The following CHD1L variants were observed in gnomAD, a reference collection of about 807,000 sequenced individuals.
The protein encoded by CHD1L is chromodomain helicase DNA binding protein 1 like.
In CHD1L, 118 loss-of-function variants were observed where a neutral mutation model predicts 115.9. The observed-to-expected ratio is 1.02, with a 90% CI of 0.88 to 1.19. CHD1L has a LOEUF of 1.19. Among genes scored for constraint, CHD1L ranks in the 50% most tolerant of loss-of-function variants. The pLI is 0.00. For synonymous variants in CHD1L, 411 were observed against 387.1 expected (o/e 1.06, Z -0.72); for missense variants, 1,179 against 1,065.3 (o/e 1.11, Z -1.49).
the CHD1L span, among the ~76,000 whole-genome samples, chr1:147,209,416 C>A: frequency 6.7e-5 from 8 of 119,222 alleles, no homozygotes; most frequent in Admixed American, 1.1e-4. Flanking sequence ...CCAGCCTGGG[C>A]AACAGAGTGA....
At chr1:147,190,629 T>C in the CHD1L span, among the ~76,000 whole-genome samples, 1 of 152,124 alleles carries the variant, frequency 6.6e-6, no homozygotes, top group East Asian at 1.9e-4. Flanking sequence ...ACCTGTATTC[T>C]TGATAACAAA....
the CHD1L span, among the ~76,000 whole-genome samples, chr1:147,191,597 T>G: frequency 6.6e-6 from 1 of 151,958 alleles, no homozygotes; most frequent in East Asian, 1.9e-4. Context: ...CTTTGTCAGA[T>G]GAGTAGGTTG....
chr1:147,276,437 C>T lies in CHD1L; in HGVS notation c.1539+180C>T, dbSNP rs145081914. On this transcript the variant is annotated intron_variant, in intron 14 of 22. Coordinates refer to ENST00000369258, the MANE Select transcript of CHD1L (RefSeq NM_004284.6). Reference sequence around the variant, plus strand: ...GTCTGTAGGAAGTAAGGATTAGTTCCAAGCCTCATCACTTCTTGGCTGTTT... The same window carrying T: ...GTCTGTAGGAAGTAAGGATTAGTTCTAAGCCTCATCACTTCTTGGCTGTTT... Among the ~76,000 whole-genome samples, 20 of 152,314 alleles carry T rather than the reference C, an allele frequency of 1.3e-4. No homozygotes were observed. In the East Asian group the frequency reaches 3.7e-3, roughly 28 times the overall value.
intron 1 of CHD1L, among the ~76,000 whole-genome samples, chr1:147,244,866 G>A (rs1256143272): frequency 6.6e-6 from 1 of 151,898 alleles, no homozygotes; most frequent in African/African-American, 2.4e-5. Flanking sequence ...AGGTATGGAC[G>A]TTTAATTCCT....
the CHD1L span, among the ~76,000 whole-genome samples, chr1:147,180,970 G>A: frequency 5.3e-5 from 8 of 152,210 alleles, no homozygotes; most frequent in African/African-American, 1.7e-4. Flanking sequence ...TTTGAGAAAC[G>A]CGGCCTAGAC....
At chr1:147,238,006 G>A (rs1664638817), upstream of CHD1L, among the ~76,000 whole-genome samples, 2 of 152,182 alleles carry the variant, frequency 1.3e-5, no homozygotes, top group Admixed American at 1.3e-4. Flanking sequence ...CTGGGCAAGA[G>A]TCCTGTGAAA....
chr1:147,235,255 A>G, the CHD1L span, among the ~76,000 whole-genome samples: 1 of 152,168 alleles, frequency 6.6e-6, no homozygotes, highest in African/African-American at 2.4e-5. Flanking sequence ...GATAACTTCC[A>G]ATTTCTTAAT....
the CHD1L span, chr1:147,225,900 C>T: frequency 6.6e-6 from 1 of 152,138 alleles, no homozygotes; most frequent in African/African-American, 2.4e-5. Context: ...TAAAGGCTTA[C>T]AACTTTAAGG....
At chr1:147,288,338 A>AAAG (rs1308489352) in intron 19 of CHD1L, among the ~76,000 whole-genome samples, 2 of 858 alleles carry the variant, frequency 2.3e-3, no homozygotes, top group African/African-American at 3.2e-3. Flanking sequence ...AAAAAAAAAA[A>AAAG]AAAAAAAAGA....
chr1:147,224,643 G>A, the CHD1L span, among the ~76,000 whole-genome samples: 1 of 151,994 alleles, frequency 6.6e-6, no homozygotes, highest in Non-Finnish European at 1.5e-5. Context: ...CCGAGTAGCT[G>A]GGACTACATG....
At chr1:147,193,357 C>T in the CHD1L span, among the ~76,000 whole-genome samples, 171 of 152,038 alleles carry the variant, frequency 1.1e-3, no homozygotes, top group East Asian at 1.5e-3. Context: ...GTGGTGATAT[C>T]CCCTTTATCA....
chr1:147,284,263 C>T, intron 15 of CHD1L, 88 bp from the exon 16 acceptor site: 1 of 1,085,622 alleles, frequency 9.2e-7, no homozygotes. Flanking sequence ...AGGCTGTTCT[C>T]CTGTCCACTT....
chr1:147,206,454 A>G, the CHD1L span, among the ~76,000 whole-genome samples: 2 of 152,240 alleles, frequency 1.3e-5, no homozygotes, highest in Non-Finnish European at 2.9e-5. Flanking sequence ...CTATAAAGAC[A>G]CATGCACACG....
intron 1 of CHD1L, among the ~76,000 whole-genome samples, chr1:147,250,233 C>A (rs1246541474): frequency 2.0e-5 from 3 of 152,084 alleles, no homozygotes; most frequent in Non-Finnish European, 2.9e-5. Context: ...TGGGTGTTGG[C>A]ACCTATTGAT....
chr1:147,204,469 C>T, the CHD1L span: 25 of 1,452,488 alleles, frequency 1.7e-5, no homozygotes, highest in East Asian at 9.1e-5. Flanking sequence ...ATCAACATCT[C>T]GAAGGTTTTT....
chr1:147,181,810 A>G, the CHD1L span, among the ~76,000 whole-genome samples: 1,788 of 152,300 alleles, frequency 0.012, 14 homozygotes, highest in African/African-American at 0.021. Context: ...TGGGCCATGC[A>G]TTTTAAATGA....
the CHD1L span, among the ~76,000 whole-genome samples, chr1:147,218,458 G>A: frequency 0.013 from 1,941 of 151,850 alleles, 43 homozygotes; most frequent in African/African-American, 0.045. Context: ...GGCTGGACTC[G>A]ATCTCCTGAC....
intron 14 of CHD1L, among the ~76,000 whole-genome samples, chr1:147,278,511 C>T (rs1236835599): frequency 8.6e-6 from 1 of 116,818 alleles, no homozygotes; most frequent in African/African-American, 3.4e-5. Context: ...GCATGAGCCA[C>T]TGCGCCTGGG....
chr1:147,233,605 G>T, the CHD1L span, among the ~76,000 whole-genome samples: 1 of 152,188 alleles, frequency 6.6e-6, no homozygotes, highest in East Asian at 1.9e-4. Flanking sequence ...CACCCAACAT[G>T]CTCATTGAGA....
Sources: allele counts gnomAD v4.1 joint callset (sites outside exome capture counted in the v4.1 genomes callset), GRCh38; gene constraint gnomAD v4.1.1; transcripts MANE v1.5; gene names NCBI Gene and HGNC (gene_info 2026-07-23, HGNC 2026-07-21).